Variants in MSI2 observed in about 807,000 individuals in gnomAD.
The protein encoded by MSI2 is RNA-binding protein Musashi homolog 2.
A neutral mutation model predicts 45.6 loss-of-function variants in MSI2; 17 were observed. That is an observed-to-expected ratio of 0.37 (90% CI 0.26 to 0.56). The LOEUF (loss-of-function observed/expected upper bound fraction) is 0.56, where lower values mean the gene tolerates loss of function less well. Among genes scored for constraint, MSI2 ranks in the 20% least tolerant of loss-of-function variants. MSI2 has a pLI of 0.77. For synonymous variants in MSI2, 156 were observed against 158.2 expected (o/e 0.99, Z 0.11); for missense variants, 293 against 444.2 (o/e 0.66, Z 3.06).
At chr17:57,482,435 C>T (rs918831867) in intron 6 of MSI2, among the ~76,000 whole-genome samples, 1 of 152,204 alleles carries the variant, frequency 6.6e-6, no homozygotes, top group African/African-American at 2.4e-5. Context: ...CTTCTCTACC[C>T]GTGTACAATT....
At position 57,407,314 on chromosome 17, in the gene MSI2, C is replaced by T. The variant is rs2084102732; in HGVS notation, c.405+5843C>T. 6.6e-6 allele frequency among the ~76,000 whole-genome samples: 1 copy of T among 152,036 alleles called. No individual in the cohort carries two copies. Among genetic ancestry groups the T allele is most frequent in the Admixed American group, 6.5e-5 (1 of 15,272 alleles). ...AGGTGCGAAGCTGCATTCATGGCCCCCACTCAGACACCCCTTTTGATACTG... is the reference window on the plus strand; with the variant it reads ...AGGTGCGAAGCTGCATTCATGGCCCTCACTCAGACACCCCTTTTGATACTG... On this transcript the variant is annotated intron_variant, in intron 6 of 13. Coordinates refer to ENST00000284073, the MANE Select transcript of MSI2 (RefSeq NM_138962.4). The surrounding 1 kb of genome is among the most constrained non-coding windows in gnomAD (Gnocchi z 4.1).
chr17:57,451,780 C>G (rs1364874836), intron 6 of MSI2, among the ~76,000 whole-genome samples: 1 of 152,220 alleles, frequency 6.6e-6, no homozygotes, highest in Non-Finnish European at 1.5e-5. Flanking sequence ...CCCTGACCAG[C>G]CTTCCTCCTC....
intron 5 of MSI2, among the ~76,000 whole-genome samples, chr17:57,346,621 C>G (rs1481415322): frequency 6.6e-6 from 1 of 151,834 alleles, no homozygotes; most frequent in Non-Finnish European, 1.5e-5. Context: ...TCTTTCTTTT[C>G]TTTTTTTTAG....
chr17:57,287,131 GT>G lies in MSI2; in HGVS notation c.312+24954del, dbSNP rs11453609. 5.7e-3 allele frequency among the ~76,000 whole-genome samples: 831 copies of G among 147,020 alleles called. 4 individuals carry two copies. Among genetic ancestry groups the G allele is most frequent in the Non-Finnish European group, 7.5e-3 (502 of 67,118 alleles). The stretch of plus-strand genomic sequence containing the variant: ...TACAAATAAGTGGTCTCAAAAAGTT[GT>G]TTTTTTTTTTTTTTAATTTGCTGAA... On this transcript the variant is annotated intron_variant, in intron 5 of 13. Coordinates refer to ENST00000284073, the MANE Select transcript of MSI2 (RefSeq NM_138962.4).
At chr17:57,521,826 A>G (rs2086591951) in intron 6 of MSI2, among the ~76,000 whole-genome samples, 2 of 152,156 alleles carry the variant, frequency 1.3e-5, no homozygotes, top group Non-Finnish European at 2.9e-5. Flanking sequence ...CTTGGTGAGC[A>G]GTCACGGCTG....
At chr17:57,641,330 G>A (rs1157811887) in intron 10 of MSI2, among the ~76,000 whole-genome samples, 3 of 152,172 alleles carry the variant, frequency 2.0e-5, no homozygotes, top group African/African-American at 4.8e-5. Flanking sequence ...TGTCCTGGTT[G>A]GCAGAGGTGA....
chr17:57,439,532 G>A lies in MSI2; in HGVS notation c.405+38061G>A, dbSNP rs551200811. Among the ~76,000 whole-genome samples, 4 of 151,806 alleles carry A rather than the reference G, an allele frequency of 2.6e-5. No homozygotes were observed. In the East Asian group the frequency reaches 7.8e-4, roughly 29 times the overall value. ...TGGAGGATGGCATTGCAGGTCCTGTGCCAGGCACTGGGGAGATAGGCTTTG... is the reference window on the plus strand; with the variant it reads ...TGGAGGATGGCATTGCAGGTCCTGTACCAGGCACTGGGGAGATAGGCTTTG... On this transcript the variant is annotated intron_variant, in intron 6 of 13. Coordinates refer to ENST00000284073, the MANE Select transcript of MSI2 (RefSeq NM_138962.4).
chr17:57,663,060 T>TGTGGGCTGC (rs1377077525), intron 11 of MSI2, among the ~76,000 whole-genome samples: 3 of 152,190 alleles, frequency 2.0e-5, no homozygotes, highest in Admixed American at 1.3e-4. Context: ...CATTTTTTCC[T>TGTGGGCTGC]GTGGGCTGCG....
intron 5 of MSI2, among the ~76,000 whole-genome samples, chr17:57,382,702 G>C (rs887482966): frequency 6.6e-6 from 1 of 152,214 alleles, no homozygotes. Context: ...CACCCACGAG[G>C]ACAGTGGTCC....
rs563443378 is a variant in MSI2, at chr17:57,678,935, A to G, written c.*32-614A>G. The stretch of plus-strand genomic sequence containing the variant: ...AGAGGAGCCCAGGCCCCCTACTCCC[A>G]GTCAATTCAGGGAGACTCAGTAAAC... On this transcript the variant is annotated intron_variant, in intron 13 of 13. Coordinates refer to ENST00000284073, the MANE Select transcript of MSI2 (RefSeq NM_138962.4). 3.2e-4 allele frequency among the ~76,000 whole-genome samples: 49 copies of G among 152,334 alleles called. No homozygotes were observed. In the South Asian group the frequency reaches 7.5e-3, roughly 23 times the overall value.
chr17:57,329,184 AG>A (rs1325116402), intron 5 of MSI2, among the ~76,000 whole-genome samples: 4 of 152,204 alleles, frequency 2.6e-5, no homozygotes, highest in African/African-American at 4.8e-5. Flanking sequence ...AATGCATTCC[AG>A]GGGTTTATTT....
chr17:57,469,479 A>G (rs532842281), intron 6 of MSI2, among the ~76,000 whole-genome samples: 69 of 152,338 alleles, frequency 4.5e-4, no homozygotes, highest in Non-Finnish European at 7.6e-4. Flanking sequence ...TGCCGAGTCA[A>G]TGGTCTCCCG....
rs562909432 is a variant in MSI2, at chr17:57,529,784, A to G, written c.454+60A>G. On this transcript the variant is annotated intron_variant, in intron 7 of 13. Transcript: ENST00000284073. This position sits in a 1 kb window ranked among gnomAD's most constrained non-coding sequence, Gnocchi z 5.3. ...CCCTCTCCTGGCCTCTCTGTCTGTC[A>G]TCCCCAGTCCCACTGACAAAAGATA... 3.1e-5 allele frequency: 43 copies of G among 1,397,270 alleles called. No homozygotes were observed. In the East Asian group the frequency reaches 9.7e-4, roughly 31 times the overall value. 86.6% of individuals were successfully genotyped at this position (1,397,270 alleles called of 1,614,324 possible). A position where few individuals can be genotyped will look rare whatever the true frequency, so the allele number is the denominator to read the frequency against.
At position 57,681,763 on chromosome 17, in the gene MSI2, CT is replaced by C. The variant is rs1269316569; in HGVS notation, c.*2250del. ...AAACAACCAGATTAAATGCTGAGCGCTTTTAAAATATCAAAACTTGTTCAAG... is the reference window on the plus strand; with the variant it reads ...AAACAACCAGATTAAATGCTGAGCGCTTTAAAATATCAAAACTTGTTCAAG... On this transcript the variant is annotated 3_prime_UTR_variant, in exon 14 of 14. Transcript: ENST00000284073. 5.4e-6 allele frequency: 1 copy of C among 185,948 alleles called. No individual in the cohort carries two copies. Among genetic ancestry groups the C allele is most frequent in the Admixed American group, 6.3e-5 (1 of 15,810 alleles). The allele number at this position is 185,948 out of a possible 1,614,324, so 11.5% of individuals were successfully genotyped here.
chr17:57,579,982 T>C (rs2088158017), intron 7 of MSI2, among the ~76,000 whole-genome samples: 1 of 151,168 alleles, frequency 6.6e-6, no homozygotes, highest in African/African-American at 2.4e-5. Flanking sequence ...CCACAAATAA[T>C]AACCCACATG....
chr17:57,275,778 C>G (rs1908790577), intron 5 of MSI2, among the ~76,000 whole-genome samples: 1 of 152,182 alleles, frequency 6.6e-6, no homozygotes. Context: ...AGGGAAATAG[C>G]AGTAGATTAC....
intron 10 of MSI2, among the ~76,000 whole-genome samples, chr17:57,640,738 A>G (rs1910183300): frequency 6.6e-6 from 1 of 152,198 alleles, no homozygotes; most frequent in South Asian, 2.1e-4. Flanking sequence ...CTGGACCTAG[A>G]ATTCTTCATC....
intron 5 of MSI2, among the ~76,000 whole-genome samples, chr17:57,268,874 C>G (rs1908089754): frequency 6.6e-6 from 1 of 152,244 alleles, no homozygotes; most frequent in East Asian, 1.9e-4. Flanking sequence ...ACACCCCATC[C>G]TTAGCCCTTA....
At chr17:57,390,994 C>A (rs1446042461) in intron 5 of MSI2, among the ~76,000 whole-genome samples, 1 of 152,202 alleles carries the variant, frequency 6.6e-6, no homozygotes, top group Non-Finnish European at 1.5e-5. Flanking sequence ...TTACAGGGAA[C>A]TTTGACATGC....
Sources: allele counts gnomAD v4.1 joint callset (sites outside exome capture counted in the v4.1 genomes callset), GRCh38; gene constraint gnomAD v4.1.1; non-coding constraint Gnocchi (gnomAD v3.1); transcripts MANE v1.5; gene names NCBI Gene and HGNC (gene_info 2026-07-23, HGNC 2026-07-21).